The following MYO6 variants were observed in gnomAD, a reference collection of about 807,000 sequenced individuals.
MYO6 encodes unconventional myosin-VI.
Under a neutral mutation model 178.7 loss-of-function variants are expected in MYO6, and 74 were observed. That is an observed-to-expected ratio of 0.41 (90% confidence interval 0.34 to 0.50). MYO6 has a LOEUF of 0.50. Ranked by LOEUF, MYO6 falls within the 20% of genes least tolerant of loss-of-function variation. MYO6 has a pLI of 0.09. For missense variants in MYO6, 1,330 were observed against 1,547.4 expected (o/e 0.86, Z 2.36); for synonymous variants, 477 against 504.6 (o/e 0.95, Z 0.73).
chr6:75,794,882 A>G (rs1052147251), intron 1 of MYO6, among the ~76,000 whole-genome samples: 4 of 152,228 alleles, frequency 2.6e-5, no homozygotes, highest in African/African-American at 9.6e-5. Flanking sequence ...ATTGTGAACA[A>G]CTAAACTGAA....
intron 12 of MYO6, among the ~76,000 whole-genome samples, chr6:75,855,814 ATT>A (rs1461611630): frequency 6.6e-6 from 1 of 152,078 alleles, no homozygotes; most frequent in Non-Finnish European, 1.5e-5. Flanking sequence ...TATTTTATAT[ATT>A]TTTGGTTTTG....
Position 75,867,078 on chromosome 6 carries a change from C to T in MYO6, c.1917C>T (p.Ser639=). The T allele has an allele frequency of 6.2e-7, 1 of 1,613,622 alleles. No individual in the cohort carries two copies. Among genetic ancestry groups the T allele is most frequent in the Non-Finnish European group, 8.5e-7 (1 of 1,179,806 alleles). The change falls in exon 18 of 35, where the codon AGC becomes AGT. Residue 639 remains serine (S), a synonymous_variant. Coordinates refer to ENST00000369977, the MANE Select transcript of MYO6 (RefSeq NM_004999.4). The part of the protein sequence containing the change: ...KDTKQKAGKL[S]FISVGNKFKT... Reference sequence around the variant, plus strand: ...CTAAACAAAAAGCAGGAAAACTTAGCTTCATCAGCGTGGGAAACAAGTTTA... The same window carrying T: ...CTAAACAAAAAGCAGGAAAACTTAGTTTCATCAGCGTGGGAAACAAGTTTA...
chr6:75,859,528 G>A (rs987191117), intron 14 of MYO6, among the ~76,000 whole-genome samples: 3 of 152,010 alleles, frequency 2.0e-5, no homozygotes, highest in Admixed American at 6.5e-5. Flanking sequence ...TCGAACTCTT[G>A]GCCTCAAGTA....
intron 11 of MYO6, among the ~76,000 whole-genome samples, chr6:75,853,999 G>A (rs1775515856): frequency 6.6e-6 from 1 of 152,048 alleles, no homozygotes; most frequent in Non-Finnish European, 1.5e-5. Context: ...CTTATTCAAG[G>A]TCACATAGCT....
At chr6:75,803,957 G>A (rs1372999891) in intron 1 of MYO6, among the ~76,000 whole-genome samples, 2 of 152,084 alleles carry the variant, frequency 1.3e-5, no homozygotes, top group Non-Finnish European at 2.9e-5. Flanking sequence ...ACAGTGGCAC[G>A]ATCATGGCTC....
At chr6:75,900,149 G>A (rs1779635879) in intron 30 of MYO6, among the ~76,000 whole-genome samples, 1 of 151,688 alleles carries the variant, frequency 6.6e-6, no homozygotes, top group South Asian at 2.1e-4. Flanking sequence ...TGGACATTTG[G>A]GTTGGTTCCA....
At position 75,857,213 on chromosome 6, in the gene MYO6, C is replaced by T. The variant is rs1429257321; in HGVS notation, c.1340C>T (p.Thr447Ile). 2 of 1,613,890 alleles carry T rather than the reference C, an allele frequency of 1.2e-6. No individual in the cohort carries two copies. Among genetic ancestry groups the T allele is most frequent in the South Asian group, 2.2e-5 (2 of 91,084 alleles). Residue 447 changes from threonine to isoleucine, a missense_variant, in exon 13 of 35, where the codon ACA (threonine) becomes ATA (isoleucine). By Grantham distance (89) the Thr-to-Ile change is moderately conservative (BLOSUM62 -1). Around this residue, in one of 3 missense-constraint regions of MYO6, gnomAD observed 613 missense variants for 816.8 expected, o/e 0.75. Transcript: ENST00000369977. ...NRVNQCFPFE[T>I]SSYFIGVLDI... ...GTAAATCAGTGTTTTCCTTTTGAAA[C>T]ATCATCCTATTTTATTGGAGTCCTA...
chr6:75,818,429 G>A (rs1457499535), intron 2 of MYO6, among the ~76,000 whole-genome samples: 4 of 152,074 alleles, frequency 2.6e-5, no homozygotes, highest in Non-Finnish European at 5.9e-5. Flanking sequence ...TCCACAATTG[G>A]TTTATTTTTC....
At chr6:75,763,355 A>G (rs932353748) in intron 1 of MYO6, among the ~76,000 whole-genome samples, 2 of 152,108 alleles carry the variant, frequency 1.3e-5, no homozygotes, top group African/African-American at 2.4e-5. Context: ...AAAGCTTCCT[A>G]TTTAAAGGGT....
intron 1 of MYO6, among the ~76,000 whole-genome samples, chr6:75,790,003 C>T (rs918312061): frequency 2.7e-4 from 41 of 152,100 alleles, no homozygotes; most frequent in Non-Finnish European, 4.7e-4. Context: ...TCTTTCTGTG[C>T]CTGGCTTATT....
chr6:75,805,021 A>ATATATATATATATATATAT (rs1252912172), intron 1 of MYO6, among the ~76,000 whole-genome samples: 1 of 77,284 alleles, frequency 1.3e-5, no homozygotes, highest in African/African-American at 1.0e-4. Context: ...ATATATATAT[A>ATATATATATATATATATAT]TTTTTTTTTT....
At chr6:75,868,192 T>A (rs1474009222) in intron 18 of MYO6, among the ~76,000 whole-genome samples, 1 of 151,958 alleles carries the variant, frequency 6.6e-6, no homozygotes, top group African/African-American at 2.4e-5. Context: ...TTTTTAAGCT[T>A]AAACATAAAT....
chr6:75,783,354 A>T (rs1427243595), intron 1 of MYO6, among the ~76,000 whole-genome samples: 3 of 152,194 alleles, frequency 2.0e-5, no homozygotes, highest in African/African-American at 7.2e-5. Flanking sequence ...CCTGGGTCAC[A>T]TGGTTGGGTT....
intron 22 of MYO6, 39 bp from the exon 23 acceptor site, chr6:75,881,650 T>C (rs200456643): frequency 2.6e-5 from 41 of 1,591,906 alleles, no homozygotes; most frequent in Non-Finnish European, 3.3e-5. Flanking sequence ...CAAATGCATT[T>C]ATATTTTAAT....
At chr6:75,822,990 ATG>A in intron 3 of MYO6, 139 bp downstream of exon 3, 5 of 705,486 alleles carry the variant, frequency 7.1e-6, no homozygotes, top group African/African-American at 1.8e-5. Flanking sequence ...ATTCATGTGA[ATG>A]AAGGAACTCG....
In MYO6 at chr6:75,887,974, G is replaced by A. The variant is rs535032640; in HGVS notation, c.2658+980G>A. On this transcript the variant is annotated intron_variant, in intron 25 of 34. Coordinates refer to ENST00000369977, the MANE Select transcript of MYO6 (RefSeq NM_004999.4). ...AGCCTGGGTGACAGAGCAAGACTCC[G>A]TCTCAAAAAAAATAAATAAATAAAA... Among the ~76,000 whole-genome samples, 598 of 148,088 alleles carry A rather than the reference G, an allele frequency of 4.0e-3. 6 individuals are homozygous for A. The highest frequency in any genetic ancestry group is 0.014 in the African/African-American group (572 of 39,836).
Position 75,800,555 on chromosome 6 carries a change from A to G in MYO6, c.-47-16946A>G, listed in dbSNP as rs1213698976. 9.2e-5 allele frequency among the ~76,000 whole-genome samples: 14 copies of G among 152,304 alleles called. No individual in the cohort carries two copies. In the East Asian group the frequency reaches 2.7e-3, roughly 29 times the overall value. ...AAAAAGAAATTGTCATTTAATAAGA[A>G]GAGGATCACTATGAACGAAACAAAT... is the stretch of plus-strand genomic sequence containing the variant. On this transcript the variant is annotated intron_variant, in intron 1 of 34. Coordinates refer to ENST00000369977, the MANE Select transcript of MYO6 (RefSeq NM_004999.4).
chr6:75,879,259 G>A (rs1777816780), intron 20 of MYO6, among the ~76,000 whole-genome samples: 1 of 151,912 alleles, frequency 6.6e-6, no homozygotes, highest in Non-Finnish European at 1.5e-5. Flanking sequence ...GTTTTGTTTT[G>A]TTTTGATACA....
At chr6:75,824,892 T>G (rs1360731507) in intron 3 of MYO6, among the ~76,000 whole-genome samples, 4 of 152,062 alleles carry the variant, frequency 2.6e-5, no homozygotes, top group African/African-American at 9.7e-5. Context: ...TCTGAGTAGC[T>G]GTGACTACAC....
Sources: gnomAD v4.1 joint callset for allele counts (sites outside exome capture counted in the v4.1 genomes callset) on GRCh38, gnomAD v4.1.1 for gene constraint, gnomAD v4.1.1 regional missense constraint, MANE v1.5 for transcripts, NCBI Gene and HGNC (gene_info 2026-07-23, HGNC 2026-07-21) for gene names.